The following TNS3 variants were observed in gnomAD, a reference collection of about 807,000 sequenced individuals.
TNS3 encodes the protein tensin-3.
In TNS3, 45 loss-of-function variants were observed where a neutral mutation model predicts 140.9. That is an observed-to-expected ratio of 0.32 (90% CI 0.25 to 0.41). TNS3 has a LOEUF of 0.41. Among genes scored for constraint, TNS3 ranks in the 10% least tolerant of loss-of-function variants. TNS3 has a pLI of 1.00. For synonymous variants in TNS3, 815 were observed against 788.4 expected (o/e 1.03, Z -0.56); for missense variants, 1,716 against 1,906.7 (o/e 0.90, Z 1.86).
At chr7:47,295,657 CG>C (rs1427811862) in intron 24 of TNS3, among the ~76,000 whole-genome samples, 1 of 152,176 alleles carries the variant, frequency 6.6e-6, no homozygotes, top group African/African-American at 2.4e-5. Context: ...CCACAGGCTT[CG>C]GGGCTGAGCT....
chr7:47,277,983 T>C lies in TNS3; in HGVS notation c.*93A>G, dbSNP rs778050664. On this transcript the variant is annotated 3_prime_UTR_variant, in exon 31 of 31. Transcript: ENST00000311160. ...CATGGGCCTGGAATGTCAGGTTTAC[T>C]AGTTTGGTAAAAAGTGGGGGCCCCA... The C allele has an allele frequency of 2.1e-6, 3 of 1,405,526 alleles. No homozygotes were observed. The highest frequency in any genetic ancestry group is 3.0e-6 in the Non-Finnish European group (3 of 996,894). The allele number at this position is 1,405,526 out of a possible 1,614,324, so 87.1% of individuals were successfully genotyped here. A position where few individuals can be genotyped will look rare whatever the true frequency, so the allele number is the denominator to read the frequency against.
In TNS3 at chr7:47,369,172, T is replaced by C; in HGVS notation, c.1474A>G (p.Ser492Gly). The change falls in exon 17 of 31, where the codon AGC (serine) becomes GGC (glycine). Residue 492 changes from serine to glycine, a missense_variant. This residue lies in a region of TNS3 where 1,163 missense variants were observed against 1,182.1 expected (regional missense o/e 0.98). Coordinates refer to ENST00000311160, the MANE Select transcript of TNS3 (RefSeq NM_022748.12). ...TCCGAGGAGGACAGGGTCCCAAGGCTGTCCACACTGTGCAGGTCGTGGTGG... is the reference window on the plus strand; with the variant it reads ...TCCGAGGAGGACAGGGTCCCAAGGCCGTCCACACTGTGCAGGTCGTGGTGG... ...MPHHDLHSVD[S>G]LGTLSSSEGP... 1.2e-6 allele frequency: 2 copies of C among 1,614,162 alleles called. No homozygotes were observed. Among genetic ancestry groups the C allele is most frequent in the Non-Finnish European group, 1.7e-6 (2 of 1,180,034 alleles).
chr7:47,480,819 G>A (rs895293300), intron 4 of TNS3, among the ~76,000 whole-genome samples: 1 of 152,178 alleles, frequency 6.6e-6, no homozygotes, highest in Non-Finnish European at 1.5e-5. Flanking sequence ...TATAGCCAAG[G>A]AAACTCGGCC....
In TNS3 at chr7:47,368,685, G is replaced by A. The variant is rs764566318; in HGVS notation, c.1961C>T (p.Pro654Leu). ...QRGVGSGPHPPDTQQPSPSKA... is the reference protein window; with the variant it reads ...QRGVGSGPHPLDTQQPSPSKA... ...GCTGGGAGAGGGCTGCTGTGTGTCA[G>A]GGGGATGTGGCCCACTGCCTACACC... Residue 654 changes from proline to leucine, a missense_variant, in exon 17 of 31, where the codon CCT becomes CTT. Transcript: ENST00000311160. The A allele has an allele frequency of 6.3e-7, 1 of 1,593,728 alleles. No individual in the cohort carries two copies. The highest frequency in any genetic ancestry group is 8.5e-7 in the Non-Finnish European group (1 of 1,170,964).
chr7:47,357,707 C>T (rs1490644281), intron 17 of TNS3, among the ~76,000 whole-genome samples: 5 of 141,482 alleles, frequency 3.5e-5, no homozygotes, highest in Non-Finnish European at 6.2e-5. Context: ...TCATGTCTAA[C>T]CCTGATTCTA....
chr7:47,497,769 T>C (rs969196094), intron 3 of TNS3, among the ~76,000 whole-genome samples: 3 of 152,126 alleles, frequency 2.0e-5, no homozygotes, highest in African/African-American at 7.2e-5. Flanking sequence ...TGCCCATGGA[T>C]GCCTGGCCTT....
intron 1 of TNS3, among the ~76,000 whole-genome samples, chr7:47,572,150 A>C (rs1410049489): frequency 2.6e-5 from 4 of 152,240 alleles, no homozygotes; most frequent in African/African-American, 4.8e-5. Flanking sequence ...GTTCTAAAAG[A>C]AGCAGCACTG....
chr7:47,377,329 A>G (rs187348948), intron 16 of TNS3, among the ~76,000 whole-genome samples: 224 of 152,322 alleles, frequency 1.5e-3, no homozygotes, highest in Non-Finnish European at 1.9e-3. Context: ...CTCAAGGACT[A>G]TGCCGAGTGA....
At chr7:47,571,147 A>T (rs960675052) in intron 1 of TNS3, among the ~76,000 whole-genome samples, 11 of 152,208 alleles carry the variant, frequency 7.2e-5, no homozygotes, top group Non-Finnish European at 1.5e-4. Context: ...CAGAGCTCTC[A>T]AAAGGGTGAC....
At chr7:47,467,625 AG>A (rs952037447) in intron 4 of TNS3, among the ~76,000 whole-genome samples, 39 of 152,278 alleles carry the variant, frequency 2.6e-4, no homozygotes, top group African/African-American at 9.4e-4. Context: ...ACACAGTATG[AG>A]TGAAGTTTCT....
chr7:47,288,591 T>C (rs542198750), intron 27 of TNS3, among the ~76,000 whole-genome samples: 30 of 152,170 alleles, frequency 2.0e-4, no homozygotes, highest in Non-Finnish European at 4.1e-4. Flanking sequence ...GGCACTTCAC[T>C]GGGACCCACA....
In TNS3 at chr7:47,369,577, C is replaced by G; in HGVS notation, c.1069G>C (p.Val357Leu). 1 of 1,606,766 alleles carries G rather than the reference C, an allele frequency of 6.2e-7. No individual in the cohort carries two copies. Among genetic ancestry groups the G allele is most frequent in the Non-Finnish European group, 8.5e-7 (1 of 1,176,206 alleles). The change falls in exon 17 of 31, where the codon GTG (valine) becomes CTG (leucine). Residue 357 changes from valine (V) to leucine (L), a missense_variant. Physicochemically the swap from Val to Leu is conservative, Grantham distance 32 (BLOSUM62 1). Transcript: ENST00000311160. ...GGATCCGAGGAGCTTTTCTTCCTCACCTTCGCGTAAAGGCTGCCATCGACA... is the reference window on the plus strand; with the variant it reads ...GGATCCGAGGAGCTTTTCTTCCTCAGCTTCGCGTAAAGGCTGCCATCGACA... ...GPVDGSLYAKVRKKSSSDPGI... is the reference protein window; with the variant it reads ...GPVDGSLYAKLRKKSSSDPGI...
In TNS3 at chr7:47,428,350, G is replaced by T; in HGVS notation, c.351C>A (p.Val117=). ...TGGTGAAATGCATGTAGGATGATAT[G>T]ACCACTCCTATGCGTCCTTTCCCGC... ...CRGGKGRIGV[V]ISSYMHFTNV... is the part of the protein sequence containing the mutation. Residue 117 remains valine, a synonymous_variant, in exon 9 of 31, where the codon GTC becomes GTA. Transcript: ENST00000311160. The T allele has an allele frequency of 6.9e-7, 1 of 1,456,548 alleles. No homozygotes were observed. Among genetic ancestry groups the T allele is most frequent in the South Asian group, 1.5e-5 (1 of 65,636 alleles). 90.2% of individuals were successfully genotyped at this position (1,456,548 alleles called of 1,614,324 possible). A position where few individuals can be genotyped will look rare whatever the true frequency, so the allele number is the denominator to read the frequency against.
At chr7:47,541,437 A>AC (rs1365688971) in intron 1 of TNS3, among the ~76,000 whole-genome samples, 5 of 152,020 alleles carry the variant, frequency 3.3e-5, no homozygotes, top group Non-Finnish European at 7.4e-5. Context: ...ACCAACAGTC[A>AC]CCCCCCAATG....
At chr7:47,545,141 AT>A (rs34499360) in intron 1 of TNS3, among the ~76,000 whole-genome samples, 49,965 of 121,118 alleles carry the variant, frequency 0.41, 8,642 homozygotes, top group East Asian at 0.66. Flanking sequence ...GTAAGAGGGC[AT>A]TTTTTTTTTT....
At chr7:47,546,486 G>A (rs77416435) in intron 1 of TNS3, among the ~76,000 whole-genome samples, 6,419 of 152,210 alleles carry the variant, frequency 0.042, 466 homozygotes, top group African/African-American at 0.15. Context: ...GGTGGCCCAG[G>A]ACGGTGAGGT....
At chr7:47,457,842 T>C (rs984329300) in intron 4 of TNS3, among the ~76,000 whole-genome samples, 3 of 152,154 alleles carry the variant, frequency 2.0e-5, no homozygotes, top group Admixed American at 2.0e-4. Flanking sequence ...GGGTAGTCAG[T>C]GAGCCCTGTC....
At chr7:47,365,568 C>T (rs4724566) in intron 17 of TNS3, among the ~76,000 whole-genome samples, 76,518 of 151,914 alleles carry the variant, frequency 0.5, 21,416 homozygotes, top group Non-Finnish European at 0.65. Flanking sequence ...TCGAGACCTT[C>T]TTGGCTAACA....
chr7:47,414,108 G>A, intron 11 of TNS3, 111 bp from the exon 12 acceptor site: 3 of 1,144,632 alleles, frequency 2.6e-6, no homozygotes, highest in African/African-American at 1.5e-5. Context: ...TGCACCTGCG[G>A]CCTTTGAGGT....
Sources: allele counts gnomAD v4.1 joint callset (sites outside exome capture counted in the v4.1 genomes callset), GRCh38; gene constraint gnomAD v4.1.1; regional missense constraint gnomAD v4.1.1; transcripts MANE v1.5; gene names NCBI Gene and HGNC (gene_info 2026-07-23, HGNC 2026-07-21).